The following CA5A variants were observed in gnomAD, a reference collection of about 807,000 sequenced individuals.
The protein encoded by CA5A is carbonic anhydrase 5A, mitochondrial.
CA5A carries 28 observed loss-of-function variants against 37.1 expected under a neutral mutation model. The observed-to-expected ratio is 0.75, with a 90% CI of 0.56 to 1.03. The LOEUF is 1.03. CA5A is among the 50% of genes least tolerant of loss of function. The pLI is 0.00. For missense variants in CA5A, 444 were observed against 399.9 expected (o/e 1.11, Z -0.94); for synonymous variants, 171 against 158.4 (o/e 1.08, Z -0.60).
intron 2 of CA5A, among the ~76,000 whole-genome samples, chr16:87,918,593 G>A (rs1057013011): frequency 3.3e-5 from 5 of 152,210 alleles, no homozygotes; most frequent in African/African-American, 9.6e-5. Flanking sequence ...GTTTCGCTTT[G>A]TTTCTGGCCC....
chr16:87,893,156 T>A (rs2055749675), intron 5 of CA5A: 1 of 454,120 alleles, frequency 2.2e-6, no homozygotes. Context: ...CTTTTTTTTT[T>A]CAGACAGAGT....
downstream of CA5A, chr16:87,887,928 A>G: frequency 1.5e-6 from 1 of 675,526 alleles, no homozygotes; most frequent in Non-Finnish European, 2.3e-6. Context: ...GCCATGGCAC[A>G]CCCCTCCATC....
At chr16:87,894,853 T>G (rs1204424670) in intron 5 of CA5A, among the ~76,000 whole-genome samples, 4 of 148,222 alleles carry the variant, frequency 2.7e-5, no homozygotes, top group South Asian at 2.1e-4. Context: ...CACTCCAGCC[T>G]GGGCAACAGA....
At chr16:87,908,256 T>C (rs796721098) in intron 2 of CA5A, among the ~76,000 whole-genome samples, 1 of 152,204 alleles carries the variant, frequency 6.6e-6, no homozygotes, top group South Asian at 2.1e-4. Flanking sequence ...TGTGTGACCC[T>C]GGGCAAGTAG....
intron 1 of CA5A, among the ~76,000 whole-genome samples, chr16:87,932,864 C>T (rs950470094): frequency 1.3e-5 from 2 of 152,208 alleles, no homozygotes; most frequent in Non-Finnish European, 1.5e-5. Context: ...ATCCCCTCCC[C>T]CATTGTCACT....
chr16:87,914,664 A>G (rs1379781803), intron 2 of CA5A, among the ~76,000 whole-genome samples: 2 of 151,576 alleles, frequency 1.3e-5, no homozygotes, highest in Admixed American at 1.3e-4. Flanking sequence ...CTACTGGCAC[A>G]GCAACACGAG....
At chr16:87,917,646 T>C (rs1033110184) in intron 2 of CA5A, among the ~76,000 whole-genome samples, 40 of 144,480 alleles carry the variant, frequency 2.8e-4, no homozygotes, top group Non-Finnish European at 4.1e-4. Context: ...CGCACACACA[T>C]GAACACACGT....
intron 5 of CA5A, among the ~76,000 whole-genome samples, chr16:87,897,231 C>T (rs2055816515): frequency 6.6e-6 from 1 of 152,266 alleles, no homozygotes; most frequent in Non-Finnish European, 1.5e-5. Flanking sequence ...GCAGCCAATT[C>T]CCCGGTAGCT....
At chr16:87,902,913 CAAAA>C (rs111457269) in intron 3 of CA5A, among the ~76,000 whole-genome samples, 4 of 113,726 alleles carry the variant, frequency 3.5e-5, no homozygotes, top group Admixed American at 9.6e-5. Flanking sequence ...CTCCATCTCA[CAAAA>C]AAAAAAAAAA....
intron 2 of CA5A, among the ~76,000 whole-genome samples, chr16:87,924,681 A>G (rs2056278597): frequency 1.3e-5 from 2 of 152,270 alleles, no homozygotes; most frequent in African/African-American, 4.8e-5. Context: ...TCCCCGTGAC[A>G]GCAGGAGCTG....
chr16:87,934,460 C>T (rs1195022708), intron 1 of CA5A, among the ~76,000 whole-genome samples: 6 of 152,110 alleles, frequency 3.9e-5, no homozygotes, highest in East Asian at 1.9e-4. Flanking sequence ...TCCAGCTACT[C>T]GGGAGGCTGA....
chr16:87,891,995 G>A, intron 5 of CA5A, 41 bp from the exon 6 acceptor site: 2 of 1,479,030 alleles, frequency 1.4e-6, no homozygotes, highest in South Asian at 1.4e-5. Context: ...GTCCTCAGGG[G>A]AGACTAGGAG....
chr16:87,903,064 A>G (rs1453887941), intron 3 of CA5A, among the ~76,000 whole-genome samples: 1 of 152,068 alleles, frequency 6.6e-6, no homozygotes. Flanking sequence ...GATCATGTTA[A>G]CCTCATCCAA....
intron 2 of CA5A, among the ~76,000 whole-genome samples, chr16:87,918,868 G>A (rs2056191948): frequency 6.6e-6 from 1 of 152,214 alleles, no homozygotes; most frequent in Admixed American, 6.5e-5. Context: ...GTGAAGGAGA[G>A]GACCGAGAAC....
chr16:87,936,204 T>G, intron 1 of CA5A, 105 bp downstream of exon 1: 1 of 699,736 alleles, frequency 1.4e-6, no homozygotes, highest in Non-Finnish European at 2.4e-6. Flanking sequence ...AGTGGAAATC[T>G]GAACCCATCT....
chr16:87,895,608 G>A (rs1226188321), intron 5 of CA5A, among the ~76,000 whole-genome samples: 4 of 152,116 alleles, frequency 2.6e-5, no homozygotes, highest in Non-Finnish European at 5.9e-5. Context: ...ACAGTTCTAT[G>A]GTTTTGGGTA....
Position 87,901,593 on chromosome 16 carries a change from T to TTTTC in CA5A, c.618+318_618+319insGAAA, listed in dbSNP as rs377266855. ...ATACTGATTTCTTTCTTTTCTTTTC[T>TTTTC]TTTTTTTTTTTTGAGATGGGATTTC... On this transcript the variant is annotated intron_variant, in intron 5 of 6. Transcript: ENST00000649794. Among the ~76,000 whole-genome samples, 1,227 of 137,468 alleles carry TTTTC rather than the reference T, an allele frequency of 8.9e-3. 21 individuals carry two copies. The highest frequency in any genetic ancestry group is 0.034 in the African/African-American group (1,130 of 33,138). The allele number at this position is 137,468 out of a possible 152,430, so 90.2% of individuals were successfully genotyped here. A position where few individuals can be genotyped will look rare whatever the true frequency, so the allele number is the denominator to read the frequency against.
chr16:87,899,612 CTT>C (rs987310191), intron 5 of CA5A, among the ~76,000 whole-genome samples: 14 of 149,296 alleles, frequency 9.4e-5, no homozygotes, highest in African/African-American at 3.4e-4. Context: ...CTCTTAAGGT[CTT>C]TTAATTTCTC....
chr16:87,884,073 T>C (rs1452928849), downstream of CA5A: 1 of 152,004 alleles, frequency 6.6e-6, no homozygotes, highest in Non-Finnish European at 1.5e-5. Context: ...ATTAGGTTTA[T>C]TGTAAAACTT....
Sources: allele counts gnomAD v4.1 joint callset (sites outside exome capture counted in the v4.1 genomes callset), GRCh38; gene constraint gnomAD v4.1.1; transcripts MANE v1.5; gene names NCBI Gene and HGNC (gene_info 2026-07-23, HGNC 2026-07-21).